Variants in PIBF1 observed in about 807,000 individuals in gnomAD.
PIBF1 encodes progesterone-induced-blocking factor 1.
In PIBF1, 90 loss-of-function variants were observed where a neutral mutation model predicts 112.5. That is an observed-to-expected ratio of 0.80 (90% CI 0.67 to 0.95). The LOEUF (loss-of-function observed/expected upper bound fraction) is 0.95, where lower values mean the gene tolerates loss of function less well. Ranked by LOEUF, PIBF1 falls within the 40% of genes least tolerant of loss-of-function variation. PIBF1 has a pLI of 0.00. For synonymous variants in PIBF1, 301 were observed against 288.6 expected (o/e 1.04, Z -0.44); for missense variants, 915 against 852.3 (o/e 1.07, Z -0.92).
intron 11 of PIBF1, 52 bp from the exon 12 acceptor site, chr13:72,908,479 A>G: frequency 1.6e-6 from 2 of 1,262,814 alleles, no homozygotes; most frequent in South Asian, 3.1e-5. Flanking sequence ...TTTTTGTCTT[A>G]ACTGTGCACC....
chr13:72,870,828 C>CAAA (rs75393247), intron 10 of PIBF1, among the ~76,000 whole-genome samples: 34 of 84,488 alleles, frequency 4.0e-4, no homozygotes, highest in African/African-American at 1.2e-3. Context: ...AAAGAATTTT[C>CAAA]AAAAAAAAAA....
At chr13:72,904,483 C>T (rs1173964261) in intron 11 of PIBF1, among the ~76,000 whole-genome samples, 1 of 85,800 alleles carries the variant, frequency 1.2e-5, no homozygotes, top group Non-Finnish European at 2.3e-5. Flanking sequence ...CTCTGTCACC[C>T]TGGCTGGAGT....
chr13:72,796,420 A>T (rs1028185054), intron 4 of PIBF1, among the ~76,000 whole-genome samples: 1 of 152,154 alleles, frequency 6.6e-6, no homozygotes, highest in African/African-American at 2.4e-5. Context: ...GAATTTTTTA[A>T]TCCCTAAAAA....
intron 14 of PIBF1, among the ~76,000 whole-genome samples, chr13:72,938,455 A>G (rs1594234911): frequency 1.3e-5 from 2 of 152,132 alleles, no homozygotes; most frequent in African/African-American, 4.8e-5. Context: ...GAAATCATGC[A>G]ATATTTGGCC....
At chr13:72,955,518 C>A (rs1007240088) in intron 14 of PIBF1, among the ~76,000 whole-genome samples, 1 of 151,998 alleles carries the variant, frequency 6.6e-6, no homozygotes, top group African/African-American at 2.4e-5. Context: ...TTTTTACCTG[C>A]CGGTTGTTCC....
chr13:72,880,008 C>G (rs915577156), intron 10 of PIBF1, among the ~76,000 whole-genome samples: 1 of 152,154 alleles, frequency 6.6e-6, no homozygotes, highest in Non-Finnish European at 1.5e-5. Context: ...CTTTACAAAA[C>G]ATGTCTGCAT....
chr13:72,928,035 A>ATG lies in PIBF1; in HGVS notation c.1731-3129_1731-3128insGT, dbSNP rs1203079508. Reference sequence around the variant, plus strand: ...TATATACATATATATACATATATATATATATATATACATATATATATGAGG... The same window carrying ATG: ...TATATACATATATATACATATATATATGTATATATATACATATATATATGAGG... On this transcript the variant is annotated intron_variant, in intron 13 of 17. Transcript: ENST00000326291. Among the ~76,000 whole-genome samples, 70 of 142,728 alleles carry ATG rather than the reference A, an allele frequency of 4.9e-4. No individual in the cohort carries two copies. In the Middle Eastern group the frequency reaches 0.011, roughly 22 times the overall value. 93.6% of individuals were successfully genotyped at this position (142,728 alleles called of 152,430 possible). A position where few individuals can be genotyped will look rare whatever the true frequency, so the allele number is the denominator to read the frequency against.
At chr13:72,956,397 G>T (rs974159831) in intron 14 of PIBF1, among the ~76,000 whole-genome samples, 2 of 152,014 alleles carry the variant, frequency 1.3e-5, no homozygotes, top group African/African-American at 4.8e-5. Flanking sequence ...ATACATACAT[G>T]GGGGAAGTGG....
intron 10 of PIBF1, among the ~76,000 whole-genome samples, chr13:72,874,368 G>A (rs1031588230): frequency 6.6e-6 from 1 of 152,102 alleles, no homozygotes; most frequent in Non-Finnish European, 1.5e-5. Context: ...AACTAAATTT[G>A]AGTTTACACA....
intron 10 of PIBF1, among the ~76,000 whole-genome samples, 180 bp from the exon 11 acceptor site, chr13:72,893,604 G>A (rs147606069): frequency 8.5e-4 from 130 of 152,200 alleles, no homozygotes; most frequent in African/African-American, 3.0e-3. Context: ...TATGTTCACT[G>A]TAATTACTTA....
intron 6 of PIBF1, among the ~76,000 whole-genome samples, chr13:72,824,173 C>T (rs1417834286): frequency 8.0e-6 from 1 of 125,490 alleles, no homozygotes; most frequent in African/African-American, 3.1e-5. Context: ...GCCACCATGC[C>T]CAGCTAATTT....
Position 72,783,612 on chromosome 13 carries a change from G to A in PIBF1, c.143G>A (p.Arg48Lys), listed in dbSNP as rs1350434203. ...EEREGKVRIT[R>K]QLIERKELLH... is the part of the protein sequence containing the mutation. ...CGAGAGGGCAAAGTCAGAATCACCAGGCAGCTAATTGAACGAAAAGAACTA... is the reference window on the plus strand; with the variant it reads ...CGAGAGGGCAAAGTCAGAATCACCAAGCAGCTAATTGAACGAAAAGAACTA... Residue 48 changes from arginine to lysine, a missense_variant, in exon 2 of 18, where the codon AGG becomes AAG. Transcript: ENST00000326291. 1.2e-6 allele frequency: 2 copies of A among 1,613,928 alleles called. No individual in the cohort carries two copies. The highest frequency in any genetic ancestry group is 1.7e-6 in the Non-Finnish European group (2 of 1,179,968).
At chr13:72,919,343 C>T (rs1029141728) in intron 13 of PIBF1, among the ~76,000 whole-genome samples, 8 of 152,090 alleles carry the variant, frequency 5.3e-5, no homozygotes, top group African/African-American at 9.7e-5. Flanking sequence ...TTGATCAAGG[C>T]GAGCTGAATA....
At chr13:72,936,515 A>AT (rs2041874958) in intron 14 of PIBF1, among the ~76,000 whole-genome samples, 1 of 152,104 alleles carries the variant, frequency 6.6e-6, no homozygotes, top group Admixed American at 6.6e-5. Context: ...TTTTAGTTTA[A>AT]TTTTTATACT....
Position 72,883,475 on chromosome 13 carries a change from C to G in PIBF1, c.1323-10309C>G, listed in dbSNP as rs191733200. ...TGTACATTTTTTTTAGACAGAGTCTCTCTCTGGCTTTATACTGGATCAGTG... is the reference window on the plus strand; with the variant it reads ...TGTACATTTTTTTTAGACAGAGTCTGTCTCTGGCTTTATACTGGATCAGTG... On this transcript the variant is annotated intron_variant, in intron 10 of 17. Transcript: ENST00000326291. 1.8e-3 allele frequency among the ~76,000 whole-genome samples: 269 copies of G among 152,268 alleles called. 5 individuals carry two copies. In the Middle Eastern group the frequency reaches 0.02, roughly 12 times the overall value.
rs569221922 is a variant in PIBF1, at chr13:73,011,801, C to A, written c.2224-4068C>A. Among the ~76,000 whole-genome samples, 26 of 152,182 alleles carry A rather than the reference C, an allele frequency of 1.7e-4. No individual in the cohort carries two copies. In the South Asian group the frequency reaches 5.2e-3, roughly 30 times the overall value. ...TGTCCAGTTATCAGGAAAAACTTAACCAGGTAGACTAAAAACCAAAAAACA... is the reference window on the plus strand; with the variant it reads ...TGTCCAGTTATCAGGAAAAACTTAAACAGGTAGACTAAAAACCAAAAAACA... On this transcript the variant is annotated intron_variant, in intron 17 of 17. Transcript: ENST00000326291.
intron 13 of PIBF1, among the ~76,000 whole-genome samples, chr13:72,925,950 C>G (rs1237541398): frequency 6.6e-6 from 1 of 152,068 alleles, no homozygotes; most frequent in Admixed American, 6.6e-5. Context: ...CCAGTTTATC[C>G]AATTTTTTTT....
intron 14 of PIBF1, among the ~76,000 whole-genome samples, chr13:72,934,016 C>T (rs899568414): frequency 6.6e-6 from 1 of 152,088 alleles, no homozygotes; most frequent in Admixed American, 6.6e-5. Flanking sequence ...GAAAAAATTT[C>T]ATAAGACATT....
chr13:72,842,277 G>A (rs551231463), intron 9 of PIBF1, among the ~76,000 whole-genome samples: 1 of 152,202 alleles, frequency 6.6e-6, no homozygotes, highest in African/African-American at 2.4e-5. Flanking sequence ...TATTCTGAGT[G>A]GTGCTCTACA....
Sources: allele counts gnomAD v4.1 joint callset (sites outside exome capture counted in the v4.1 genomes callset), GRCh38; gene constraint gnomAD v4.1.1; transcripts MANE v1.5; gene names NCBI Gene and HGNC (gene_info 2026-07-23, HGNC 2026-07-21).